Variants in ZNF714 observed in about 807,000 individuals in gnomAD.
The protein encoded by ZNF714 is zinc finger protein 714.
ZNF714 carries 32 observed loss-of-function variants against 46.2 expected under a neutral mutation model. The observed-to-expected ratio is 0.69, with a 90% CI of 0.52 to 0.93. The LOEUF (loss-of-function observed/expected upper bound fraction) is 0.93. Ranked by LOEUF, ZNF714 falls within the 40% of genes least tolerant of loss-of-function variation. ZNF714 has a pLI of 0.00. For synonymous variants in ZNF714, 199 were observed against 213.1 expected (o/e 0.93, Z 0.58); for missense variants, 635 against 646.3 (o/e 0.98, Z 0.19).
Position 21,120,198 on chromosome 19 carries a change from C to A in ZNF714, c.*1866C>A, listed in dbSNP as rs552310493. The A allele has an allele frequency of 6.6e-6, 1 of 152,112 alleles. No individual in the cohort carries two copies. The highest frequency in any genetic ancestry group is 1.5e-5 in the Non-Finnish European group (1 of 68,048). 9.4% of individuals were successfully genotyped at this position (152,112 alleles called of 1,614,324 possible). On this transcript the variant is annotated 3_prime_UTR_variant, in exon 5 of 5. Coordinates refer to ENST00000456283, the MANE Select transcript of ZNF714 (RefSeq NM_182515.4). ...CTGGGATTACAGGCGCATATCACCACGCCCAGCTAATTTTTATGTTTCTAG... is the reference window on the plus strand; with the variant it reads ...CTGGGATTACAGGCGCATATCACCAAGCCCAGCTAATTTTTATGTTTCTAG...
intron 2 of ZNF714, among the ~76,000 whole-genome samples, chr19:21,089,840 T>C (rs1372256142): frequency 5.9e-5 from 7 of 119,508 alleles, no homozygotes; most frequent in African/African-American, 1.3e-4. Context: ...CAGTAATTTT[T>C]TTTACCATTC....
At chr19:21,082,866 G>A (rs1968688775) in intron 1 of ZNF714, among the ~76,000 whole-genome samples, 1 of 152,170 alleles carries the variant, frequency 6.6e-6, no homozygotes, top group African/African-American at 2.4e-5. Flanking sequence ...ACAGCATGAT[G>A]AAGAAAACCA....
At chr19:21,095,715 A>G (rs1015590080) in intron 2 of ZNF714, among the ~76,000 whole-genome samples, 2 of 151,878 alleles carry the variant, frequency 1.3e-5, no homozygotes, top group Admixed American at 1.3e-4. Flanking sequence ...CAGCCTCCCA[A>G]AGTGCTGGGA....
At chr19:21,111,828 A>G (rs1177957269) in intron 4 of ZNF714, among the ~76,000 whole-genome samples, 1 of 152,176 alleles carries the variant, frequency 6.6e-6, no homozygotes, top group Non-Finnish European at 1.5e-5. Context: ...TTCTGCATCT[A>G]TTGAGATAAT....
At chr19:21,095,331 A>C (rs1328887428) in intron 2 of ZNF714, among the ~76,000 whole-genome samples, 1 of 152,120 alleles carries the variant, frequency 6.6e-6, no homozygotes, top group Non-Finnish European at 1.5e-5. Flanking sequence ...ACAGCTGTAG[A>C]TCATGCGCCT....
chr19:21,114,295 G>T (rs1367346114), intron 4 of ZNF714, among the ~76,000 whole-genome samples: 1 of 151,970 alleles, frequency 6.6e-6, no homozygotes, highest in Non-Finnish European at 1.5e-5. Flanking sequence ...AATTAGCCAG[G>T]TGTGGTGGCG....
At chr19:21,109,914 G>A (rs1969411914) in intron 4 of ZNF714, among the ~76,000 whole-genome samples, 1 of 152,122 alleles carries the variant, frequency 6.6e-6, no homozygotes, top group Non-Finnish European at 1.5e-5. Context: ...TCTTTGCAAA[G>A]TACATGATGT....
intron 1 of ZNF714, among the ~76,000 whole-genome samples, chr19:21,083,331 C>T (rs773525511): frequency 2.0e-5 from 3 of 152,176 alleles, no homozygotes; most frequent in African/African-American, 7.2e-5. Flanking sequence ...CCACCGCGCC[C>T]AGCCAGATTT....
intron 2 of ZNF714, among the ~76,000 whole-genome samples, chr19:21,084,309 C>G (rs1968726082): frequency 6.6e-6 from 1 of 151,888 alleles, no homozygotes; most frequent in Admixed American, 6.6e-5. Context: ...TCCAGCAGTT[C>G]CATTAGCACT....
intron 2 of ZNF714, among the ~76,000 whole-genome samples, chr19:21,090,647 A>C (rs1568273297): frequency 6.6e-6 from 1 of 152,068 alleles, no homozygotes; most frequent in Non-Finnish European, 1.5e-5. Context: ...GAAAGATGTT[A>C]CTGGAAAGAA....
Position 21,117,077 on chromosome 19 carries a change from G to A in ZNF714, c.413G>A (p.Arg138Lys). 6.2e-7 allele frequency: 1 copy of A among 1,613,344 alleles called. No individual in the cohort carries two copies. Among genetic ancestry groups the A allele is most frequent in the Non-Finnish European group, 8.5e-7 (1 of 1,179,582 alleles). The change falls in exon 5 of 5, where the codon AGA (arginine) becomes AAA (lysine). Residue 138 changes from arginine to lysine, a missense_variant. Physicochemically the swap from Arg to Lys is conservative, Grantham distance 26. Transcript: ENST00000456283. ...TTCAATTCAAATAGACACAAGACAA[G>A]ACATACTGGAGAGAAACCTTTCAAA... ...KIFNSNRHKT[R>K]HTGEKPFKCK...
rs1415452761 is a variant in ZNF714, at chr19:21,122,276, T to A, written c.*3944T>A. On this transcript the variant is annotated 3_prime_UTR_variant, in exon 5 of 5. Coordinates refer to ENST00000456283, the MANE Select transcript of ZNF714 (RefSeq NM_182515.4). ...TTAGTTTGTAATTTCAAGTCAGAAA[T>A]GAAAGATATCAGTGGTGAAGAAATA... is the stretch of plus-strand genomic sequence containing the variant. 4 of 152,210 alleles carry A rather than the reference T, an allele frequency of 2.6e-5. No individual in the cohort carries two copies. Among genetic ancestry groups the A allele is most frequent in the Non-Finnish European group, 4.4e-5 (3 of 68,042 alleles). The allele number at this position is 152,210 out of a possible 1,614,324, so 9.4% of individuals were successfully genotyped here.
chr19:21,083,902 A>G (rs1008002323), intron 1 of ZNF714, 76 bp from the exon 2 acceptor site: 2 of 779,984 alleles, frequency 2.6e-6, no homozygotes, highest in Non-Finnish European at 3.5e-6. Flanking sequence ...TCTGGGGATC[A>G]ACCAAGATAT....
chr19:21,086,714 C>T (rs1319811743), intron 2 of ZNF714, among the ~76,000 whole-genome samples: 2 of 152,172 alleles, frequency 1.3e-5, no homozygotes, highest in African/African-American at 2.4e-5. Flanking sequence ...TCCAGGAATG[C>T]AGCCCAGTCA....
Position 21,120,643 on chromosome 19 carries a change from A to G in ZNF714, c.*2311A>G, listed in dbSNP as rs1969689032. Reference sequence around the variant, plus strand: ...TAACATTTTTAACATGTTAAATACTATTGTGCATTCAATGAAGCATTATTA... The same window carrying G: ...TAACATTTTTAACATGTTAAATACTGTTGTGCATTCAATGAAGCATTATTA... On this transcript the variant is annotated 3_prime_UTR_variant, in exon 5 of 5. Coordinates refer to ENST00000456283, the MANE Select transcript of ZNF714 (RefSeq NM_182515.4). 1 of 152,190 alleles carries G rather than the reference A, an allele frequency of 6.6e-6. No homozygotes were observed. Among genetic ancestry groups the G allele is most frequent in the African/African-American group, 2.4e-5 (1 of 41,456 alleles). The allele number at this position is 152,190 out of a possible 1,614,324, so 9.4% of individuals were successfully genotyped here.
At chr19:21,082,374 G>A (rs556516493) in intron 1 of ZNF714, 26 bp downstream of exon 1, 5 of 1,456,148 alleles carry the variant, frequency 3.4e-6, no homozygotes, top group African/African-American at 1.4e-5. Context: ...CCGACATCCC[G>A]AGAGAGGGGA....
At chr19:21,099,943 C>A (rs11669248) in intron 4 of ZNF714, among the ~76,000 whole-genome samples, 103,457 of 151,952 alleles carry the variant, frequency 0.68, 39,735 homozygotes, top group East Asian at 0.88. Flanking sequence ...GCAACCTCCA[C>A]TTTCCGAGTT....
intron 4 of ZNF714, among the ~76,000 whole-genome samples, chr19:21,113,414 G>A (rs910634711): frequency 6.6e-6 from 1 of 152,020 alleles, no homozygotes; most frequent in African/African-American, 2.4e-5. Context: ...CACCCAGGCT[G>A]GGGTGCAGTG....
intron 4 of ZNF714, among the ~76,000 whole-genome samples, chr19:21,114,597 C>T (rs932643119): frequency 1.3e-5 from 2 of 152,110 alleles, no homozygotes; most frequent in Non-Finnish European, 2.9e-5. Flanking sequence ...GACTCTTTAT[C>T]CAGTTTGCCC....
Sources: gnomAD v4.1 joint callset for allele counts (sites outside exome capture counted in the v4.1 genomes callset) on GRCh38, gnomAD v4.1.1 for gene constraint, MANE v1.5 for transcripts, NCBI Gene and HGNC (gene_info 2026-07-23, HGNC 2026-07-21) for gene names.